The following DIS3L2 variants were observed in gnomAD, a reference collection of about 807,000 sequenced individuals.
DIS3L2 encodes the protein DIS3 like 3'-5' exoribonuclease 2, also known as DIS3-like exonuclease 2.
DIS3L2 carries 34 observed loss-of-function variants against 97.5 expected under a neutral mutation model. That is an observed-to-expected ratio of 0.35 (90% CI 0.27 to 0.46). The LOEUF (loss-of-function observed/expected upper bound fraction) is 0.46. Ranked by LOEUF, DIS3L2 falls within the 20% of genes least tolerant of loss-of-function variation. The pLI, the probability that DIS3L2 is intolerant of heterozygous loss-of-function variation, is 1.00. For missense variants in DIS3L2, 1,038 were observed against 1,146.0 expected (o/e 0.91, Z 1.36); for synonymous variants, 435 against 445.2 (o/e 0.98, Z 0.29).
intron 7 of DIS3L2, among the ~76,000 whole-genome samples, chr2:232,134,404 G>A (rs1041339065): frequency 2.6e-5 from 4 of 152,184 alleles, no homozygotes; most frequent in Non-Finnish European, 5.9e-5. Context: ...TATACCTTGC[G>A]TTTAAGGTTA....
At chr2:232,282,946 C>A (rs1026363256) in intron 13 of DIS3L2, among the ~76,000 whole-genome samples, 1 of 152,188 alleles carries the variant, frequency 6.6e-6, no homozygotes, top group African/African-American at 2.4e-5. Flanking sequence ...CAGGTTGTTT[C>A]CATCCTGGAG....
intron 1 of DIS3L2, among the ~76,000 whole-genome samples, chr2:231,990,686 A>G (rs142498928): frequency 3.3e-5 from 5 of 152,232 alleles, no homozygotes; most frequent in African/African-American, 9.6e-5. Context: ...GTCATTGCAA[A>G]TCTTAAATTT....
At chr2:232,212,270 G>A (rs1273108118) in intron 10 of DIS3L2, among the ~76,000 whole-genome samples, 1 of 152,252 alleles carries the variant, frequency 6.6e-6, no homozygotes, top group African/African-American at 2.4e-5. Flanking sequence ...AAAGCCAGGT[G>A]ACCGTGGACC....
At chr2:232,339,902 G>A (rs1351163691), downstream of DIS3L2, among the ~76,000 whole-genome samples, 1 of 152,182 alleles carries the variant, frequency 6.6e-6, no homozygotes, top group Non-Finnish European at 1.5e-5. Context: ...ATTGAGTTGG[G>A]CCTTAGAAGG....
intron 13 of DIS3L2, among the ~76,000 whole-genome samples, chr2:232,297,701 CTTTTT>C (rs11309721): frequency 1.9e-5 from 2 of 106,130 alleles, no homozygotes; most frequent in African/African-American, 3.9e-5. Context: ...CCTTCCAAGT[CTTTTT>C]TTTTTTTTTT....
At chr2:232,105,545 A>G (rs1697335074) in intron 6 of DIS3L2, among the ~76,000 whole-genome samples, 1 of 151,930 alleles carries the variant, frequency 6.6e-6, no homozygotes, top group African/African-American at 2.4e-5. Context: ...ATTCCTACCT[A>G]CTTGCCTAGT....
At chr2:232,093,476 T>C (rs1029794620) in intron 6 of DIS3L2, among the ~76,000 whole-genome samples, 7 of 152,198 alleles carry the variant, frequency 4.6e-5, no homozygotes, top group Non-Finnish European at 1.0e-4. Context: ...TTAATTCTTC[T>C]TTAAATGTTT....
chr2:232,226,756 G>T lies in DIS3L2; in HGVS notation c.1205-11777G>T, dbSNP rs115690800. Among the ~76,000 whole-genome samples the T allele has an allele frequency of 4.2e-3, 642 of 152,296 alleles. 8 individuals carry two copies. The highest frequency in any genetic ancestry group is 0.015 in the African/African-American group (610 of 41,550). On this transcript the variant is annotated intron_variant, in intron 10 of 20. Coordinates refer to ENST00000325385, the MANE Select transcript of DIS3L2 (RefSeq NM_152383.5). ...GGAGGCCGAGGTGGGAGGATTGCTT[G>T]AGCCTAGGAGTTCGACCCCAGCCTG...
intron 14 of DIS3L2, among the ~76,000 whole-genome samples, chr2:232,323,214 G>C (rs1695484117): frequency 6.6e-6 from 1 of 152,242 alleles, no homozygotes; most frequent in Non-Finnish European, 1.5e-5. Flanking sequence ...GGTTCTGCTT[G>C]GGGGCAGGGC....
intron 9 of DIS3L2, among the ~76,000 whole-genome samples, chr2:232,172,362 C>G (rs1691016318): frequency 1.3e-5 from 2 of 152,276 alleles, no homozygotes; most frequent in South Asian, 2.1e-4. Flanking sequence ...TTTCCCTGTT[C>G]TGAACATTTC....
intron 9 of DIS3L2, among the ~76,000 whole-genome samples, chr2:232,206,667 A>G (rs1283768754): frequency 6.6e-6 from 1 of 152,178 alleles, no homozygotes; most frequent in Non-Finnish European, 1.5e-5. Context: ...TAATGTTTGG[A>G]TGGCTTATCT....
intron 10 of DIS3L2, among the ~76,000 whole-genome samples, chr2:232,231,619 A>G (rs1448556821): frequency 6.6e-6 from 1 of 152,216 alleles, no homozygotes; most frequent in Non-Finnish European, 1.5e-5. Flanking sequence ...ATTTTAAGTC[A>G]CCTGAGGTAT....
chr2:232,234,316 T>C (rs1692876964), intron 10 of DIS3L2, among the ~76,000 whole-genome samples: 1 of 152,226 alleles, frequency 6.6e-6, no homozygotes, highest in Non-Finnish European at 1.5e-5. Context: ...AGACATTTAA[T>C]AAATGTTCAC....
chr2:232,312,690 G>A (rs1695169596), intron 14 of DIS3L2, among the ~76,000 whole-genome samples: 3 of 152,084 alleles, frequency 2.0e-5, no homozygotes. Flanking sequence ...ATGTCAATTT[G>A]GGAAAAATCA....
chr2:232,278,070 A>G (rs1694188869), intron 13 of DIS3L2, among the ~76,000 whole-genome samples: 1 of 152,226 alleles, frequency 6.6e-6, no homozygotes. Context: ...AGCAGGAAAC[A>G]ATAGTGCATT....
intron 14 of DIS3L2, among the ~76,000 whole-genome samples, chr2:232,319,057 G>T (rs1044199219): frequency 2.0e-5 from 3 of 152,218 alleles, no homozygotes; most frequent in Non-Finnish European, 1.5e-5. Flanking sequence ...TCCATACCCA[G>T]CAGGGAGGTG....
chr2:232,100,919 T>A (rs1697184665), intron 6 of DIS3L2, among the ~76,000 whole-genome samples: 1 of 151,976 alleles, frequency 6.6e-6, no homozygotes, highest in African/African-American at 2.4e-5. Flanking sequence ...TATCTGTCAG[T>A]TTCTGAGAGG....
rs1575030510 is a variant in DIS3L2 at position 232,336,832 on chromosome 2, T to G, written c.*202T>G. 7.1e-7 allele frequency: 1 copy of G among 1,407,900 alleles called. No homozygotes were observed. 87.2% of individuals were successfully genotyped at this position (1,407,900 alleles called of 1,614,324 possible). On this transcript the variant is annotated 3_prime_UTR_variant, in exon 21 of 21. Transcript: ENST00000325385. The stretch of plus-strand genomic sequence containing the variant: ...GGCTGGAAGGAAGGCTGAGGCCTGG[T>G]CAGCAGTGACCCCAGCAGAGCAGGC...
At chr2:231,994,993 C>G (rs192628050) in intron 1 of DIS3L2, among the ~76,000 whole-genome samples, 11 of 151,630 alleles carry the variant, frequency 7.3e-5, no homozygotes, top group African/African-American at 2.4e-4. Flanking sequence ...TTTGTAGAGA[C>G]GAGATCTCAC....
Sources: allele counts gnomAD v4.1 joint callset (sites outside exome capture counted in the v4.1 genomes callset), GRCh38; gene constraint gnomAD v4.1.1; transcripts MANE v1.5; gene names NCBI Gene and HGNC (gene_info 2026-07-23, HGNC 2026-07-21).